The following SEPTIN7 variants were observed in gnomAD, a reference collection of about 807,000 sequenced individuals.
SEPTIN7 encodes the protein septin-7.
SEPTIN7 carries 10 observed loss-of-function variants against 63.3 expected under a neutral mutation model. The ratio of observed to expected loss-of-function variants is 0.16; its 90% CI spans 0.10 to 0.27. SEPTIN7 has a LOEUF of 0.27. Among genes scored for constraint, SEPTIN7 ranks in the 10% least tolerant of loss-of-function variants. SEPTIN7 has a pLI of 1.00. For missense variants in SEPTIN7, 310 were observed against 521.0 expected, an observed-to-expected ratio of 0.59 and a Z score of 3.94; for synonymous variants, 131 against 165.3, an observed-to-expected ratio of 0.79 and a Z score of 1.59.
At chr7:35,822,498 A>G (rs1789486023) in intron 1 of SEPTIN7, among the ~76,000 whole-genome samples, 2 of 152,154 alleles carry the variant, frequency 1.3e-5, no homozygotes, top group Admixed American at 6.5e-5. Context: ...ACAGTTCACA[A>G]TAGGGTTCAC....
chr7:35,812,087 T>C, intron 1 of SEPTIN7: 1 of 232,948 alleles, frequency 4.3e-6, no homozygotes, highest in Non-Finnish European at 9.0e-6. Context: ...AGATCAAGCC[T>C]CTGCACTGCC....
intron 4 of SEPTIN7, among the ~76,000 whole-genome samples, chr7:35,867,613 G>A (rs1187426536): frequency 6.6e-6 from 1 of 150,982 alleles, no homozygotes; most frequent in African/African-American, 2.4e-5. Flanking sequence ...GCCTCCCAAA[G>A]TGCCGGGATT....
intron 1 of SEPTIN7, among the ~76,000 whole-genome samples, chr7:35,826,341 T>C (rs1583514054): frequency 6.6e-6 from 1 of 150,912 alleles, no homozygotes; most frequent in Non-Finnish European, 1.5e-5. Context: ...ACTTACACTT[T>C]AGGAGAAACA....
intron 3 of SEPTIN7, among the ~76,000 whole-genome samples, chr7:35,840,204 C>T (rs1784342394): frequency 1.2e-5 from 1 of 84,574 alleles, no homozygotes; most frequent in Non-Finnish European, 2.4e-5. Context: ...TTCCCCCTCC[C>T]CCCTTTCCCC....
At chr7:35,889,796 G>T (rs1787524276) in intron 10 of SEPTIN7, among the ~76,000 whole-genome samples, 1 of 152,226 alleles carries the variant, frequency 6.6e-6, no homozygotes, top group South Asian at 2.1e-4. Flanking sequence ...TGCCCGCCCC[G>T]GCCTCTCAAA....
At chr7:35,879,268 T>A (rs1431163666) in intron 6 of SEPTIN7, among the ~76,000 whole-genome samples, 1 of 152,110 alleles carries the variant, frequency 6.6e-6, no homozygotes, top group Non-Finnish European at 1.5e-5. Flanking sequence ...CTACCATTTT[T>A]CATTTTTAAA....
At chr7:35,813,448 C>G (rs1407381295) in intron 1 of SEPTIN7, among the ~76,000 whole-genome samples, 3 of 151,992 alleles carry the variant, frequency 2.0e-5, no homozygotes, top group Admixed American at 1.3e-4. Flanking sequence ...ACCTCCACCT[C>G]CTGGGTTCAA....
intron 3 of SEPTIN7, among the ~76,000 whole-genome samples, chr7:35,835,363 A>G (rs1784028772): frequency 6.6e-6 from 1 of 152,174 alleles, no homozygotes; most frequent in Non-Finnish European, 1.5e-5. Context: ...TGTGCCAGGT[A>G]ATGTTTTCAG....
At chr7:35,855,759 C>T (rs1785172987) in intron 3 of SEPTIN7, among the ~76,000 whole-genome samples, 1 of 152,046 alleles carries the variant, frequency 6.6e-6, no homozygotes, top group South Asian at 2.1e-4. Flanking sequence ...TTCTGTGTAG[C>T]CTTACATAGG....
chr7:35,885,990 C>A, intron 10 of SEPTIN7, 111 bp downstream of exon 10: 1 of 707,440 alleles, frequency 1.4e-6, no homozygotes, highest in Non-Finnish European at 2.4e-6. Context: ...TTTATATCTT[C>A]AGTCTAGCCA....
chr7:35,870,511 A>C (rs1011851038), intron 4 of SEPTIN7, among the ~76,000 whole-genome samples: 15 of 152,282 alleles, frequency 9.9e-5, no homozygotes, highest in African/African-American at 3.6e-4. Context: ...TAGGTAAAGG[A>C]GTGGTATGAT....
intron 3 of SEPTIN7, among the ~76,000 whole-genome samples, chr7:35,855,975 AT>A (rs1218403020): frequency 1.3e-5 from 2 of 152,152 alleles, no homozygotes; most frequent in Non-Finnish European, 2.9e-5. Flanking sequence ...TGCCTTAAGT[AT>A]TTTTAACATT....
chr7:35,901,396 A>C (rs1282937702), intron 12 of SEPTIN7: 1 of 152,222 alleles, frequency 6.6e-6, no homozygotes, highest in African/African-American at 2.4e-5. Flanking sequence ...ACATATTGTG[A>C]ATATTTATAT....
At chr7:35,809,826 C>T (rs1199374435) in intron 1 of SEPTIN7, among the ~76,000 whole-genome samples, 4 of 152,184 alleles carry the variant, frequency 2.6e-5, no homozygotes, top group Admixed American at 6.5e-5. Context: ...GATGATAATT[C>T]TCTCTGTTGA....
At chr7:35,835,782 C>T (rs1784054633) in intron 3 of SEPTIN7, among the ~76,000 whole-genome samples, 2 of 152,168 alleles carry the variant, frequency 1.3e-5, no homozygotes, top group Admixed American at 6.5e-5. Flanking sequence ...TTGCTATTCT[C>T]CTAGTCATTA....
chr7:35,841,957 G>A (rs975323603), intron 3 of SEPTIN7, among the ~76,000 whole-genome samples: 2 of 152,162 alleles, frequency 1.3e-5, no homozygotes, highest in Admixed American at 1.3e-4. Context: ...TATCACATAA[G>A]TCTGAAATGT....
At chr7:35,819,618 T>C (rs1653031928) in intron 1 of SEPTIN7, among the ~76,000 whole-genome samples, 1 of 152,192 alleles carries the variant, frequency 6.6e-6, no homozygotes, top group Non-Finnish European at 1.5e-5. Flanking sequence ...GACTCTTTTA[T>C]TAGGGACATA....
chr7:35,896,940 TG>T (rs1316500631), intron 11 of SEPTIN7, among the ~76,000 whole-genome samples: 1 of 152,256 alleles, frequency 6.6e-6, no homozygotes, highest in East Asian at 1.9e-4. Flanking sequence ...CTGTCCTTTT[TG>T]TTTTGTTTCT....
chr7:35,861,675 C>T (rs542275831), intron 3 of SEPTIN7, among the ~76,000 whole-genome samples: 37 of 152,130 alleles, frequency 2.4e-4, no homozygotes, highest in Non-Finnish European at 5.1e-4. Context: ...TATTGTGTCC[C>T]CTTGCAGCTT....
Sources: gnomAD v4.1 joint callset for allele counts (sites outside exome capture counted in the v4.1 genomes callset) on GRCh38, gnomAD v4.1.1 for gene constraint, MANE v1.5 for transcripts, NCBI Gene and HGNC (gene_info 2026-07-23, HGNC 2026-07-21) for gene names.